DENND1B: variants seen among roughly 807,000 people sequenced by gnomAD.
The protein encoded by DENND1B is DENN domain containing 1B.
A neutral mutation model predicts 90.1 loss-of-function variants in DENND1B; 59 were observed. The ratio of observed to expected loss-of-function variants is 0.65; its 90% CI spans 0.53 to 0.81. The LOEUF is 0.81. Ranked by LOEUF, DENND1B falls within the 40% of genes least tolerant of loss-of-function variation. The pLI is 0.00. For synonymous variants in DENND1B, 337 were observed against 324.6 expected (o/e 1.04, Z -0.41); for missense variants, 862 against 912.6 (o/e 0.94, Z 0.71).
chr1:197,657,383 T>C (rs1318620563), intron 6 of DENND1B, among the ~76,000 whole-genome samples: 1 of 152,162 alleles, frequency 6.6e-6, no homozygotes, highest in Non-Finnish European at 1.5e-5. Context: ...TAGGTGATGC[T>C]TGCTGTGTTC....
chr1:197,700,326 C>A (rs964743171), intron 3 of DENND1B, among the ~76,000 whole-genome samples: 1 of 152,096 alleles, frequency 6.6e-6, no homozygotes, highest in Admixed American at 6.6e-5. Flanking sequence ...ACACCTACAA[C>A]CATCTGATCT....
rs1663809624 is a variant in DENND1B, at chr1:197,746,889, T to C, written c.82+25979A>G. ...ACAAAGTTGTGGCAGGCAACTGCTT[T>C]GGCAATCTTTACACCAAGCTCTCGA... On this transcript the variant is annotated intron_variant, in intron 2 of 22. Transcript: ENST00000620048. 3.1e-6 allele frequency: 5 copies of C among 1,611,928 alleles called. No homozygotes were observed. The Admixed American group carries it at 6.7e-5, about 21-fold the overall frequency.
chr1:197,677,496 C>T lies in DENND1B; in HGVS notation c.127-3327G>A, dbSNP rs553833578. On this transcript the variant is annotated intron_variant, in intron 3 of 22. Coordinates refer to ENST00000620048, the MANE Select transcript of DENND1B (RefSeq NM_001195215.2). ...AACACGGTAGTTACCATGACCCCTC[C>T]TTTTCCCTGACCCCCACATATAATT... is the stretch of plus-strand genomic sequence containing the variant. 9.2e-4 allele frequency among the ~76,000 whole-genome samples: 140 copies of T among 152,176 alleles called. 2 individuals carry two copies. Among genetic ancestry groups the T allele is most frequent in the Non-Finnish European group, 2.2e-4 (15 of 68,038 alleles).
chr1:197,660,112 C>G (rs1654259817), intron 5 of DENND1B, among the ~76,000 whole-genome samples: 1 of 151,574 alleles, frequency 6.6e-6, no homozygotes, highest in Non-Finnish European at 1.5e-5. Context: ...GAAGAAAGAG[C>G]TTTAAGAAAT....
chr1:197,690,858 C>G (rs1365148086), intron 3 of DENND1B, among the ~76,000 whole-genome samples: 1 of 113,262 alleles, frequency 8.8e-6, no homozygotes, highest in Non-Finnish European at 1.9e-5. Flanking sequence ...ATAATTACTT[C>G]TTAATGGAAA....
At chr1:197,523,541 T>C (rs1668923841) in intron 20 of DENND1B, among the ~76,000 whole-genome samples, 1 of 152,062 alleles carries the variant, frequency 6.6e-6, no homozygotes, top group Non-Finnish European at 1.5e-5. Flanking sequence ...GGCAAAAACA[T>C]TGAAAGAAAA....
At chr1:197,636,014 C>T (rs1572146474) in intron 10 of DENND1B, among the ~76,000 whole-genome samples, 1 of 150,096 alleles carries the variant, frequency 6.7e-6, no homozygotes, top group Non-Finnish European at 1.5e-5. Context: ...GCCCTGATAA[C>T]TTTATTGTCT....
At chr1:197,715,705 TTAATA>T (rs1234601096) in intron 2 of DENND1B, among the ~76,000 whole-genome samples, 2 of 151,872 alleles carry the variant, frequency 1.3e-5, no homozygotes, top group Non-Finnish European at 2.9e-5. Flanking sequence ...TATCTAGTAA[TTAATA>T]TATATAAATC....
chr1:197,639,278 G>C (rs1257527532), intron 10 of DENND1B, among the ~76,000 whole-genome samples: 2 of 151,990 alleles, frequency 1.3e-5, no homozygotes, highest in Non-Finnish European at 2.9e-5. Context: ...TGGCCAGGCT[G>C]GTCTCGAACT....
chr1:197,631,434 A>G (rs1393084007), intron 10 of DENND1B, among the ~76,000 whole-genome samples: 1 of 152,010 alleles, frequency 6.6e-6, no homozygotes, highest in African/African-American at 2.4e-5. Context: ...TAAAACACAA[A>G]TCTCTAATTT....
At chr1:197,558,976 C>T (rs1671939047) in intron 15 of DENND1B, among the ~76,000 whole-genome samples, 1 of 151,662 alleles carries the variant, frequency 6.6e-6, no homozygotes, top group South Asian at 2.1e-4. Flanking sequence ...GGCTTCTTTC[C>T]AAAAAATATA....
chr1:197,647,412 AT>A (rs1342839038), intron 7 of DENND1B, among the ~76,000 whole-genome samples: 1 of 152,160 alleles, frequency 6.6e-6, no homozygotes, highest in Non-Finnish European at 1.5e-5. Context: ...AAAATCTCTG[AT>A]TACTAATGGC....
chr1:197,662,391 C>A (rs1654494538), intron 5 of DENND1B, among the ~76,000 whole-genome samples: 2 of 151,938 alleles, frequency 1.3e-5, no homozygotes, highest in South Asian at 4.2e-4. Context: ...TTAATTCTTA[C>A]ACTAATGCTT....
At chr1:197,692,898 T>A (rs1201652203) in intron 3 of DENND1B, among the ~76,000 whole-genome samples, 1 of 151,724 alleles carries the variant, frequency 6.6e-6, no homozygotes, top group Non-Finnish European at 1.5e-5. Flanking sequence ...ACCATCATCC[T>A]CTTCCTGAAC....
At chr1:197,747,769 G>GTTCCTCTTCTATAA (rs1322508633) in intron 2 of DENND1B, among the ~76,000 whole-genome samples, 1 of 152,212 alleles carries the variant, frequency 6.6e-6, no homozygotes, top group East Asian at 1.9e-4. Flanking sequence ...TACACTCAGG[G>GTTCCTCTTCTATAA]TTCCTCTTCT....
At chr1:197,773,829 A>G (rs1006328887) in intron 1 of DENND1B, among the ~76,000 whole-genome samples, 1 of 152,252 alleles carries the variant, frequency 6.6e-6, no homozygotes, top group African/African-American at 2.4e-5. Flanking sequence ...TAAGTCTGTT[A>G]CCACAACGGC....
intron 3 of DENND1B, chr1:197,688,892 A>G (rs1657546218): frequency 4.7e-6 from 1 of 214,846 alleles, no homozygotes; most frequent in African/African-American, 2.3e-5. Context: ...ATGTGAGGAC[A>G]AGACTGCTGA....
intron 3 of DENND1B, among the ~76,000 whole-genome samples, chr1:197,699,751 T>C (rs754801026): frequency 1.4e-4 from 22 of 151,854 alleles, no homozygotes; most frequent in South Asian, 4.2e-4. Context: ...TATCACAAAG[T>C]ATTCCTTTAC....
intron 3 of DENND1B, among the ~76,000 whole-genome samples, chr1:197,693,686 T>C (rs1469258186): frequency 6.6e-6 from 1 of 151,616 alleles, no homozygotes; most frequent in South Asian, 2.1e-4. Flanking sequence ...CAAATTATCA[T>C]TTTCACATCA....
Sources: gnomAD v4.1 joint callset for allele counts (sites outside exome capture counted in the v4.1 genomes callset) on GRCh38, gnomAD v4.1.1 for gene constraint, MANE v1.5 for transcripts, NCBI Gene and HGNC (gene_info 2026-07-23, HGNC 2026-07-21) for gene names.